The following ARSJ variants were observed in gnomAD, a reference collection of about 807,000 sequenced individuals.
ARSJ encodes the protein arylsulfatase J.
Under a neutral mutation model 35.9 loss-of-function variants are expected in ARSJ, and 26 were observed. That is an observed-to-expected ratio of 0.72 (90% confidence interval 0.53 to 1.00). The LOEUF is 1.00. ARSJ is among the 50% of genes least tolerant of loss of function. The pLI is 0.00. For synonymous variants in ARSJ, 294 were observed against 267.6 expected (o/e 1.10, Z -0.96); for missense variants, 667 against 723.6 (o/e 0.92, Z 0.90).
intron 1 of ARSJ, 135 bp downstream of exon 1, chr4:113,978,302 A>G (rs1031101427): frequency 2.0e-5 from 17 of 832,552 alleles, no homozygotes; most frequent in Non-Finnish European, 3.2e-5. Flanking sequence ...CCCCAATACC[A>G]TACATCATTC....
chr4:113,920,659 G>C (rs1245451693), intron 1 of ARSJ, among the ~76,000 whole-genome samples: 2 of 152,100 alleles, frequency 1.3e-5, no homozygotes, highest in Admixed American at 6.6e-5. Context: ...TCAGAAGGCT[G>C]CATGTCTCTT....
chr4:113,966,395 C>T (rs1726895742), intron 1 of ARSJ, among the ~76,000 whole-genome samples: 1 of 151,908 alleles, frequency 6.6e-6, no homozygotes, highest in African/African-American at 2.4e-5. Flanking sequence ...AAACTAAGTC[C>T]TTGAGGAGGA....
At chr4:113,918,417 A>G (rs1364044996) in intron 1 of ARSJ, among the ~76,000 whole-genome samples, 1 of 152,172 alleles carries the variant, frequency 6.6e-6, no homozygotes, top group African/African-American at 2.4e-5. Context: ...TGAGTAAATA[A>G]ATATTTTTGA....
At chr4:113,918,423 T>C in intron 1 of ARSJ, among the ~76,000 whole-genome samples, 1 of 152,188 alleles carries the variant, frequency 6.6e-6, no homozygotes, top group East Asian at 1.9e-4. Flanking sequence ...AATAAATATT[T>C]TTGAAAATTC....
chr4:113,944,303 C>T (rs960352221), intron 1 of ARSJ: 2 of 151,990 alleles, frequency 1.3e-5, no homozygotes, highest in African/African-American at 4.8e-5. Context: ...CCTGTTTAAA[C>T]AACTCAGCCA....
intron 1 of ARSJ, among the ~76,000 whole-genome samples, chr4:113,939,180 C>T (rs200877538): frequency 7.4e-5 from 11 of 148,850 alleles, no homozygotes; most frequent in Non-Finnish European, 8.9e-5. Context: ...TTTGTCCTTG[C>T]GATAGTTTAC....
rs1727779163 is a variant in ARSJ at position 113,979,114 on chromosome 4, A to AAT, written c.-281_-280insAT. 3.0e-6 allele frequency: 1 copy of AAT among 336,166 alleles called. No homozygotes were observed. The highest frequency in any genetic ancestry group is 4.6e-5 in the East Asian group (1 of 21,730). 20.8% of individuals were successfully genotyped at this position (336,166 alleles called of 1,614,324 possible). The stretch of plus-strand genomic sequence containing the variant: ...GCAGCTTCCACCAAGGAAAAAAAAA[A>AAT]GAAAAAAGTTAATATCTCCACCCAA... On this transcript the variant is annotated 5_prime_UTR_variant, in exon 1 of 2. Transcript: ENST00000315366.
At chr4:113,926,683 T>C (rs563735484) in intron 1 of ARSJ, among the ~76,000 whole-genome samples, 155 of 152,262 alleles carry the variant, frequency 1.0e-3, no homozygotes, top group Admixed American at 2.2e-3. Flanking sequence ...CATTTGATGA[T>C]GGAATGCTGC....
intron 1 of ARSJ, among the ~76,000 whole-genome samples, chr4:113,931,757 A>T (rs1413481897): frequency 6.6e-6 from 1 of 152,078 alleles, no homozygotes; most frequent in African/African-American, 2.4e-5. Context: ...AAAATAATAA[A>T]AACCATTAGA....
intron 1 of ARSJ, among the ~76,000 whole-genome samples, chr4:113,929,856 C>T (rs754429064): frequency 1.3e-5 from 2 of 152,058 alleles, no homozygotes; most frequent in Non-Finnish European, 1.5e-5. Flanking sequence ...TGGTTCTCCA[C>T]ATATGGTCAA....
chr4:113,947,588 G>A (rs1196107057), intron 1 of ARSJ, among the ~76,000 whole-genome samples: 2 of 137,348 alleles, frequency 1.5e-5, no homozygotes, highest in Admixed American at 7.4e-5. Flanking sequence ...GGGAAAGGAA[G>A]GAAGGAGAGA....
intron 1 of ARSJ, among the ~76,000 whole-genome samples, chr4:113,923,979 A>G (rs923522989): frequency 4.1e-5 from 6 of 147,522 alleles, no homozygotes; most frequent in African/African-American, 1.5e-4. Flanking sequence ...GTTTTCTCAT[A>G]GATAGTATAA....
At chr4:113,942,651 A>G (rs1725229917) in intron 1 of ARSJ, among the ~76,000 whole-genome samples, 1 of 152,072 alleles carries the variant, frequency 6.6e-6, no homozygotes, top group African/African-American at 2.4e-5. Context: ...TTCAGCATGC[A>G]GTGGTTATGA....
At chr4:113,960,491 A>T (rs986113801) in intron 1 of ARSJ, among the ~76,000 whole-genome samples, 3 of 152,078 alleles carry the variant, frequency 2.0e-5, no homozygotes, top group Admixed American at 1.3e-4. Context: ...AAACCGCAGG[A>T]TTATTAGTGA....
chr4:113,958,128 G>A (rs897484685), intron 1 of ARSJ, among the ~76,000 whole-genome samples: 1 of 152,044 alleles, frequency 6.6e-6, no homozygotes, highest in African/African-American at 2.4e-5. Context: ...CCTTCCAGCT[G>A]TTGCCACTGC....
chr4:113,972,380 A>G (rs776851546), intron 1 of ARSJ, among the ~76,000 whole-genome samples: 13 of 150,952 alleles, frequency 8.6e-5, no homozygotes, highest in Non-Finnish European at 1.9e-4. Flanking sequence ...ACTTTCCAAT[A>G]TATTTGCTTT....
In ARSJ at chr4:113,979,407, AT is replaced by A; in HGVS notation, c.-574del. On this transcript the variant is annotated 5_prime_UTR_variant, in exon 1 of 2. Coordinates refer to ENST00000315366, the MANE Select transcript of ARSJ (RefSeq NM_024590.4). ...TCACCTTCTCCACTTTCCCAGGGCT[AT>A]TTTCCCCAGTCCTTTCCTAGGCGTT... The A allele has an allele frequency of 6.5e-6, 1 of 152,820 alleles. No individual in the cohort carries two copies. The highest frequency in any genetic ancestry group is 1.5e-5 in the Non-Finnish European group (1 of 68,476). The allele number at this position is 152,820 out of a possible 1,614,324, so 9.5% of individuals were successfully genotyped here.
At chr4:113,906,818 G>A (rs1220378248) in intron 1 of ARSJ, 2 of 445,128 alleles carry the variant, frequency 4.5e-6, no homozygotes. Flanking sequence ...AGTAAGGAAG[G>A]TATATTTATT....
At chr4:113,913,309 G>T (rs1723061712) in intron 1 of ARSJ, among the ~76,000 whole-genome samples, 1 of 151,908 alleles carries the variant, frequency 6.6e-6, no homozygotes, top group East Asian at 1.9e-4. Context: ...CAATTTTCCT[G>T]GTCTCTTTGG....
Sources: gnomAD v4.1 joint callset for allele counts (sites outside exome capture counted in the v4.1 genomes callset) on GRCh38, gnomAD v4.1.1 for gene constraint, MANE v1.5 for transcripts, NCBI Gene and HGNC (gene_info 2026-07-23, HGNC 2026-07-21) for gene names.